ADAM12: variants seen among roughly 807,000 people sequenced by gnomAD.
ADAM12 encodes the protein disintegrin and metalloproteinase domain-containing protein 12.
Under a neutral mutation model 106.4 loss-of-function variants are expected in ADAM12, and 70 were observed. The ratio of observed to expected loss-of-function variants is 0.66; its 90% confidence interval spans 0.54 to 0.80. The LOEUF (loss-of-function observed/expected upper bound fraction) is 0.80, where lower values mean the gene tolerates loss of function less well. ADAM12 is among the 30% of genes least tolerant of loss of function. The probability of loss-of-function intolerance (pLI) is 0.00; values close to 1 mark genes in which losing one functional copy is unlikely to be tolerated. For missense variants in ADAM12, 1,010 were observed against 1,171.9 expected, an observed-to-expected ratio of 0.86 and a Z score of 2.02; for synonymous variants, 420 against 433.5, an observed-to-expected ratio of 0.97 and a Z score of 0.39.
chr10:126,051,709 A>G (rs1295781548), intron 14 of ADAM12, among the ~76,000 whole-genome samples: 1 of 151,788 alleles, frequency 6.6e-6, no homozygotes, highest in African/African-American at 2.4e-5. Context: ...GCAGGCTTCA[A>G]TCAGACACAT....
chr10:126,201,329 A>T (rs1156573008), intron 3 of ADAM12, among the ~76,000 whole-genome samples: 2 of 152,172 alleles, frequency 1.3e-5, no homozygotes, highest in Non-Finnish European at 2.9e-5. Flanking sequence ...AGGCACGCAG[A>T]GAGGAGGCTG....
intron 4 of ADAM12, among the ~76,000 whole-genome samples, chr10:126,138,318 T>C (rs531723663): frequency 1.3e-5 from 2 of 152,288 alleles, no homozygotes; most frequent in East Asian, 3.9e-4. Context: ...AGATATATGA[T>C]TTACAGATTT....
At chr10:126,028,682 A>T (rs1198777063) in intron 21 of ADAM12, among the ~76,000 whole-genome samples, 1 of 152,146 alleles carries the variant, frequency 6.6e-6, no homozygotes, top group Non-Finnish European at 1.5e-5. Flanking sequence ...TTACATATAA[A>T]ACCCAAAACT....
intron 1 of ADAM12, among the ~76,000 whole-genome samples, chr10:126,372,887 A>G (rs1213379656): frequency 6.6e-6 from 1 of 152,228 alleles, no homozygotes; most frequent in Non-Finnish European, 1.5e-5. Context: ...AGACTAAAGT[A>G]TGTGAGAAAA....
intron 4 of ADAM12, among the ~76,000 whole-genome samples, chr10:126,143,700 GTA>G (rs1288555175): frequency 2.0e-5 from 3 of 151,908 alleles, no homozygotes; most frequent in Non-Finnish European, 2.9e-5. Flanking sequence ...GTGCATGTGT[GTA>G]TATGTGTGTG....
intron 12 of ADAM12, chr10:126,070,604 G>A (rs1168912320): frequency 6.6e-6 from 1 of 152,148 alleles, no homozygotes; most frequent in African/African-American, 2.4e-5. Context: ...CTCTTCCTAA[G>A]CCCTCATTAA....
chr10:126,258,512 A>C (rs557498731), intron 3 of ADAM12, among the ~76,000 whole-genome samples: 1 of 152,198 alleles, frequency 6.6e-6, no homozygotes, highest in East Asian at 1.9e-4. Flanking sequence ...CACCCATTTC[A>C]ATCCATCCAT....
chr10:126,328,625 A>G (rs1049199355), intron 2 of ADAM12, among the ~76,000 whole-genome samples: 16 of 152,334 alleles, frequency 1.1e-4, no homozygotes, highest in East Asian at 9.6e-4. Context: ...ATGGCCATAC[A>G]CTGATGCCAT....
chr10:126,082,363 G>GTTTTTTTTTTTTTTTTTTTTTTTTTTTT (rs5788763), intron 11 of ADAM12, among the ~76,000 whole-genome samples: 1 of 80,780 alleles, frequency 1.2e-5, no homozygotes, highest in African/African-American at 5.3e-5. Flanking sequence ...TCTAATGACT[G>GTTTTTTTTTTTTTTTTTTTTTTTTTTTT]TTTTTTTTTT....
chr10:126,052,816 A>T (rs1038175780), intron 14 of ADAM12, among the ~76,000 whole-genome samples: 7 of 152,232 alleles, frequency 4.6e-5, no homozygotes, highest in African/African-American at 7.2e-5. Flanking sequence ...GCATGGAAAC[A>T]GTGTGTAATC....
chr10:126,132,465 T>G (rs2133667925), intron 5 of ADAM12, among the ~76,000 whole-genome samples: 1 of 151,790 alleles, frequency 6.6e-6, no homozygotes, highest in African/African-American at 2.4e-5. Flanking sequence ...ATCTCTGCCC[T>G]GGTCTCTACA....
intron 3 of ADAM12, among the ~76,000 whole-genome samples, chr10:126,169,927 T>C (rs1049940806): frequency 2.6e-5 from 4 of 152,232 alleles, no homozygotes; most frequent in African/African-American, 9.6e-5. Context: ...TGATGTAGAT[T>C]GGCATCTTCC....
chr10:126,067,071 G>T (rs143824373), intron 12 of ADAM12: 2 of 445,680 alleles, frequency 4.5e-6, no homozygotes, highest in African/African-American at 2.0e-5. Flanking sequence ...AGGCTGGCCG[G>T]CTGGGGACAT....
intron 3 of ADAM12, among the ~76,000 whole-genome samples, chr10:126,201,128 A>G (rs1341957317): frequency 6.6e-6 from 1 of 152,180 alleles, no homozygotes; most frequent in Non-Finnish European, 1.5e-5. Context: ...AAAAGGGATC[A>G]TTTGAGAAAG....
intron 3 of ADAM12, among the ~76,000 whole-genome samples, chr10:126,242,605 C>T (rs1259297099): frequency 6.6e-6 from 1 of 152,206 alleles, no homozygotes; most frequent in Non-Finnish European, 1.5e-5. Flanking sequence ...GGGTCCTCCA[C>T]AACGCCCCTG....
chr10:126,173,489 G>A lies in ADAM12; in HGVS notation c.261-18184C>T, dbSNP rs995733698. Among the ~76,000 whole-genome samples the A allele has an allele frequency of 4.6e-5, 7 of 152,134 alleles. No individual in the cohort carries two copies. In the South Asian group the frequency reaches 1.0e-3, roughly 23 times the overall value. On this transcript the variant is annotated intron_variant, in intron 3 of 22. Coordinates refer to ENST00000448723, the MANE Select transcript of ADAM12 (RefSeq NM_001288973.2). ...CAATATCCCTGGCCTCCACCCCCAA[G>A]ATGCCGGTAACTCTCTCCCAACCAA...
intron 10 of ADAM12, among the ~76,000 whole-genome samples, chr10:126,097,577 G>A (rs1955580217): frequency 6.6e-6 from 1 of 152,182 alleles, no homozygotes; most frequent in Non-Finnish European, 1.5e-5. Context: ...AAAACATGGA[G>A]GAACTCACAG....
intron 3 of ADAM12, among the ~76,000 whole-genome samples, chr10:126,185,955 G>A (rs910951424): frequency 1.3e-5 from 2 of 152,210 alleles, no homozygotes; most frequent in Non-Finnish European, 2.9e-5. Flanking sequence ...AAAGTTTGAT[G>A]ATATTTTGTT....
intron 3 of ADAM12, among the ~76,000 whole-genome samples, chr10:126,159,215 C>A (rs1023555526): frequency 1.4e-5 from 2 of 144,262 alleles, no homozygotes; most frequent in Non-Finnish European, 3.0e-5. Context: ...GAGGCTGAGG[C>A]AGGAGAATGG....
Sources: gnomAD v4.1 joint callset for allele counts (sites outside exome capture counted in the v4.1 genomes callset) on GRCh38, gnomAD v4.1.1 for gene constraint, MANE v1.5 for transcripts, NCBI Gene and HGNC (gene_info 2026-07-23, HGNC 2026-07-21) for gene names.